Variants in EFR3A observed in about 807,000 individuals in gnomAD.
The protein encoded by EFR3A is protein EFR3 homolog A.
In EFR3A, 76 loss-of-function variants were observed where a neutral mutation model predicts 104.4. That is an observed-to-expected ratio of 0.73 (90% CI 0.60 to 0.88). The LOEUF (loss-of-function observed/expected upper bound fraction) is 0.88, where lower values mean the gene tolerates loss of function less well. EFR3A is among the 40% of genes least tolerant of loss of function. EFR3A has a pLI of 0.00. For missense variants in EFR3A, 985 were observed against 1,012.5 expected (o/e 0.97, Z 0.37); for synonymous variants, 330 against 330.0 (o/e 1.00, Z 0.00).
chr8:131,905,138 C>T (rs1255497858), intron 1 of EFR3A, among the ~76,000 whole-genome samples: 10 of 152,168 alleles, frequency 6.6e-5, no homozygotes. Flanking sequence ...TGGATATGTG[C>T]AAACTAGGGA....
intron 1 of EFR3A, among the ~76,000 whole-genome samples, chr8:131,933,777 A>G (rs920966248): frequency 2.1e-4 from 32 of 151,960 alleles, no homozygotes; most frequent in African/African-American, 7.7e-4. Context: ...AGTATAAACC[A>G]GTTAGTTGCC....
chr8:131,906,803 T>G (rs1816285310), intron 1 of EFR3A, among the ~76,000 whole-genome samples: 2 of 152,358 alleles, frequency 1.3e-5, no homozygotes, highest in Admixed American at 1.3e-4. Flanking sequence ...ATTTCAAGAC[T>G]ATGCTGCTGA....
chr8:131,977,318 G>A (rs1435547349), intron 12 of EFR3A, among the ~76,000 whole-genome samples: 3 of 152,088 alleles, frequency 2.0e-5, no homozygotes, highest in African/African-American at 7.2e-5. Context: ...ACAGAGGGCA[G>A]AAACTATTGC....
At chr8:131,966,630 C>T (rs984596968) in intron 8 of EFR3A, among the ~76,000 whole-genome samples, 1 of 152,054 alleles carries the variant, frequency 6.6e-6, no homozygotes, top group Admixed American at 6.6e-5. Context: ...AACTGAGTTA[C>T]AGGGAGATTA....
At chr8:131,986,360 G>T in intron 17 of EFR3A, 99 bp downstream of exon 17, 2 of 543,952 alleles carry the variant, frequency 3.7e-6, no homozygotes, top group South Asian at 3.5e-5. Context: ...AATTCCTGGT[G>T]CTTTATACTA....
Position 131,955,852 on chromosome 8 carries a change from G to A in EFR3A, c.723G>A (p.Leu241=). Residue 241 remains leucine (L), a synonymous_variant, in exon 7 of 23, where the codon CTG becomes CTA. Transcript: ENST00000254624. The part of the protein sequence containing the change: ...AVLAENCFRE[L]LGRATFGNMN... ...TGGCTGAAAACTGTTTCAGAGAACT[G>A]CTGGGTCGAGCAACTTTTGGGAATA... is the stretch of plus-strand genomic sequence containing the variant. The A allele has an allele frequency of 6.2e-7, 1 of 1,613,520 alleles. No homozygotes were observed. Among genetic ancestry groups the A allele is most frequent in the Non-Finnish European group, 8.5e-7 (1 of 1,179,590 alleles).
rs1051221 is a variant in EFR3A at position 131,970,577 on chromosome 8, A to G, written c.1093A>G (p.Asn365Asp). 0.48 allele frequency: 771,808 copies of G among 1,612,762 alleles called. 186,861 individuals carry two copies. The highest frequency in any genetic ancestry group is 0.53 in the African/African-American group (39,430 of 74,880). The change falls in exon 10 of 23, where the codon AAC (asparagine) becomes GAC (aspartate). Residue 365 changes from asparagine to aspartate, a missense_variant. Coordinates refer to ENST00000254624, the MANE Select transcript of EFR3A (RefSeq NM_015137.6). ...ACAGGGGGGATCTGTAGGCAGTGTC[A>G]ACTTAAATACAAGTTCCAAAGACAA... is the stretch of plus-strand genomic sequence containing the variant. The part of the protein sequence containing the change: ...DLQGGSVGSV[N>D]LNTSSKDNDE...
intron 3 of EFR3A, 115 bp from the exon 4 acceptor site, chr8:131,946,368 G>A: frequency 2.0e-6 from 2 of 992,050 alleles, no homozygotes; most frequent in South Asian, 5.5e-5. Context: ...TACTAAATTT[G>A]CATTTCTTTC....
chr8:131,916,205 G>A (rs1172319155), intron 1 of EFR3A, among the ~76,000 whole-genome samples: 11 of 152,240 alleles, frequency 7.2e-5, no homozygotes, highest in Admixed American at 5.2e-4. Context: ...AAACATGTAA[G>A]TGAGCCTGGA....
chr8:131,915,573 G>A (rs907272620), intron 1 of EFR3A, among the ~76,000 whole-genome samples: 10 of 152,184 alleles, frequency 6.6e-5, no homozygotes, highest in African/African-American at 2.4e-4. Context: ...ACAGAGAATG[G>A]CAAGCACGAT....
chr8:131,928,651 A>G (rs1409287914), intron 1 of EFR3A, among the ~76,000 whole-genome samples: 1 of 152,116 alleles, frequency 6.6e-6, no homozygotes, highest in Non-Finnish European at 1.5e-5. Flanking sequence ...CAGTCTGGAT[A>G]TTCTGAAACT....
chr8:131,907,786 TC>T (rs1816324664), intron 1 of EFR3A, among the ~76,000 whole-genome samples: 1 of 151,318 alleles, frequency 6.6e-6, no homozygotes, highest in Non-Finnish European at 1.5e-5. Flanking sequence ...TTTCCCCTCT[TC>T]CCCCCTTTCC....
At chr8:131,931,862 A>T (rs1356299151) in intron 1 of EFR3A, among the ~76,000 whole-genome samples, 1 of 151,864 alleles carries the variant, frequency 6.6e-6, no homozygotes, top group Admixed American at 6.6e-5. Flanking sequence ...TTGCAGTTGT[A>T]GCTGAAAATT....
chr8:132,011,520 T>A lies in EFR3A; in HGVS notation c.*625T>A. 2 of 744,540 alleles carry A rather than the reference T, an allele frequency of 2.7e-6. No homozygotes were observed. Among genetic ancestry groups the A allele is most frequent in the Non-Finnish European group, 3.3e-6 (2 of 609,740 alleles). The allele number at this position is 744,540 out of a possible 1,614,324, so 46.1% of individuals were successfully genotyped here. On this transcript the variant is annotated 3_prime_UTR_variant, in exon 23 of 23. Coordinates refer to ENST00000254624, the MANE Select transcript of EFR3A (RefSeq NM_015137.6). ...ATATAACCCTAAAAACGCCATACTT[T>A]AAATTGTCTGGTTCTTGTAATATTG... is the stretch of plus-strand genomic sequence containing the variant.
intron 6 of EFR3A, among the ~76,000 whole-genome samples, chr8:131,954,374 A>T (rs1248410832): frequency 6.6e-6 from 1 of 152,000 alleles, no homozygotes; most frequent in Non-Finnish European, 1.5e-5. Flanking sequence ...AATAATGATA[A>T]TGATAATAAT....
chr8:132,009,226 G>A (rs1822198838), intron 22 of EFR3A, among the ~76,000 whole-genome samples: 2 of 151,988 alleles, frequency 1.3e-5, no homozygotes, highest in South Asian at 4.1e-4. Flanking sequence ...AAGTATATAA[G>A]ACTTACATGA....
At chr8:131,953,630 T>G (rs1818819365) in intron 5 of EFR3A, among the ~76,000 whole-genome samples, 188 bp from the exon 6 acceptor site, 1 of 152,094 alleles carries the variant, frequency 6.6e-6, no homozygotes, top group African/African-American at 2.4e-5. Context: ...AAGTAAGCCT[T>G]TTTGCAGCAC....
Position 132,012,434 on chromosome 8 carries a change from C to T in EFR3A, c.*1539C>T, listed in dbSNP as rs1822388817. 1 of 152,264 alleles carries T rather than the reference C, an allele frequency of 6.6e-6. No homozygotes were observed. The highest frequency in any genetic ancestry group is 1.5e-5 in the Non-Finnish European group (1 of 68,014). The allele number at this position is 152,264 out of a possible 1,614,324, so 9.4% of individuals were successfully genotyped here. A position where few individuals can be genotyped will look rare whatever the true frequency, so the allele number is the denominator to read the frequency against. On this transcript the variant is annotated 3_prime_UTR_variant, in exon 23 of 23. Coordinates refer to ENST00000254624, the MANE Select transcript of EFR3A (RefSeq NM_015137.6). ...AATGACACTGAAAGATCCTGGGCTG[C>T]TTCTTAAATAAGTAGATCAGCAAGA...
At chr8:131,966,698 G>T (rs1040122710) in intron 8 of EFR3A, among the ~76,000 whole-genome samples, 13 of 152,050 alleles carry the variant, frequency 8.5e-5, no homozygotes, top group African/African-American at 3.1e-4. Flanking sequence ...GTCAGAATTC[G>T]ATCTTGGGCG....
Sources: allele counts gnomAD v4.1 joint callset (sites outside exome capture counted in the v4.1 genomes callset), GRCh38; gene constraint gnomAD v4.1.1; transcripts MANE v1.5; gene names NCBI Gene and HGNC (gene_info 2026-07-23, HGNC 2026-07-21).